Variants in ZC2HC1C observed in about 807,000 individuals in gnomAD.
ZC2HC1C encodes the protein zinc finger C2HC domain-containing protein 1C.
In ZC2HC1C, 25 loss-of-function variants were observed where a neutral mutation model predicts 39.2. The ratio of observed to expected loss-of-function variants is 0.64; its 90% CI spans 0.47 to 0.89. ZC2HC1C has a LOEUF of 0.89. Among genes scored for constraint, ZC2HC1C ranks in the 40% least tolerant of loss-of-function variants. ZC2HC1C has a pLI of 0.00. For synonymous variants in ZC2HC1C, 209 were observed against 214.4 expected, an observed-to-expected ratio of 0.97 and a Z score of 0.22; for missense variants, 519 against 548.6, an observed-to-expected ratio of 0.95 and a Z score of 0.54.
Position 75,071,134 on chromosome 14 carries a change from T to C in ZC2HC1C, c.561T>C (p.Ser187=). 1.9e-6 allele frequency: 3 copies of C among 1,614,202 alleles called. No individual in the cohort carries two copies. Among genetic ancestry groups the C allele is most frequent in the Non-Finnish European group, 8.5e-7 (1 of 1,180,034 alleles). The part of the protein sequence containing the change: ...NFGVRNQGNF[S]VVGTVLAATQ... The stretch of plus-strand genomic sequence containing the variant: ...GTGTGAGGAACCAGGGCAACTTTTC[T>C]GTGGTTGGTACTGTTCTTGCTGCCA... Residue 187 remains serine, a synonymous_variant, in exon 2 of 3, where the codon TCT becomes TCC. Coordinates refer to ENST00000524913, the MANE Select transcript of ZC2HC1C (RefSeq NM_024643.4).
chr14:75,076,142 T>C (rs1015659396), intron 2 of ZC2HC1C, among the ~76,000 whole-genome samples: 4 of 152,208 alleles, frequency 2.6e-5, no homozygotes, highest in African/African-American at 4.8e-5. Context: ...GCAACTCTTA[T>C]TGGTCACATG....
At chr14:75,072,463 A>G (rs1021730800) in intron 2 of ZC2HC1C, among the ~76,000 whole-genome samples, 4 of 152,214 alleles carry the variant, frequency 2.6e-5, no homozygotes, top group African/African-American at 9.6e-5. Flanking sequence ...ATGAAACACA[A>G]TTAAGTTTGG....
At chr14:75,074,865 C>G (rs1406575477) in intron 2 of ZC2HC1C, among the ~76,000 whole-genome samples, 1 of 152,224 alleles carries the variant, frequency 6.6e-6, no homozygotes, top group African/African-American at 2.4e-5. Context: ...AGCCACGGTG[C>G]CTGTTCTACC....
chr14:75,079,370 T>TAA lies in ZC2HC1C; in HGVS notation c.*1807_*1808dup, dbSNP rs1893802191. 1 of 152,190 alleles carries TAA rather than the reference T, an allele frequency of 6.6e-6. No homozygotes were observed. Among genetic ancestry groups the TAA allele is most frequent in the Non-Finnish European group, 1.5e-5 (1 of 68,038 alleles). The allele number at this position is 152,190 out of a possible 1,614,324, so 9.4% of individuals were successfully genotyped here. A position where few individuals can be genotyped will look rare whatever the true frequency, so the allele number is the denominator to read the frequency against. On this transcript the variant is annotated 3_prime_UTR_variant, in exon 3 of 3. Coordinates refer to ENST00000524913, the MANE Select transcript of ZC2HC1C (RefSeq NM_024643.4). Reference sequence around the variant, plus strand: ...AGCACACATTTCTTTGCACTCTTTTTAATTGTTCCAAAGGAAAGGAGGTAT... The same window carrying TAA: ...AGCACACATTTCTTTGCACTCTTTTTAAAATTGTTCCAAAGGAAAGGAGGTAT...
rs546280750 is a variant in ZC2HC1C, at chr14:75,078,252, T to C, written c.*688T>C. 6.6e-6 allele frequency: 1 copy of C among 152,364 alleles called. No homozygotes were observed. Among genetic ancestry groups the C allele is most frequent in the African/African-American group, 2.4e-5 (1 of 41,572 alleles). 9.4% of individuals were successfully genotyped at this position (152,364 alleles called of 1,614,324 possible). A position where few individuals can be genotyped will look rare whatever the true frequency, so the allele number is the denominator to read the frequency against. ...GCATGATCACCCAGATAGTAACTCT[T>C]ATAAAAGATAATACAATTTTGCTAT... On this transcript the variant is annotated 3_prime_UTR_variant, in exon 3 of 3. Transcript: ENST00000524913.
At position 75,071,671 on chromosome 14, in the gene ZC2HC1C, A is replaced by T; in HGVS notation, c.1098A>T (p.Arg366Ser). 6.2e-7 allele frequency: 1 copy of T among 1,614,202 alleles called. No individual in the cohort carries two copies. The highest frequency in any genetic ancestry group is 8.5e-7 in the Non-Finnish European group (1 of 1,180,024). The change falls in exon 2 of 3, where the codon AGA becomes AGT. Residue 366 changes from arginine to serine, a missense_variant. Arg to Ser is a moderately radical substitution (Grantham distance 110). Transcript: ENST00000524913. ...TCGGTGCTTTGCAGGGATCCGCCAG[A>T]AATTCCAGCCTGTCCATGGCACCAG... ...TPVGALQGSA[R>S]NSSLSMAPDS...
rs1393230181 is a variant in ZC2HC1C at position 75,071,272 on chromosome 14, C to G, written c.699C>G (p.Leu233=). 2.5e-6 allele frequency: 4 copies of G among 1,614,062 alleles called. No homozygotes were observed. In the South Asian group the frequency reaches 4.4e-5, roughly 18 times the overall value. The stretch of plus-strand genomic sequence containing the variant: ...AGGAAATCCGAAGAAAGCAGATTCT[C>G]CTGAGGGGAAAGCTGAAGAAGACAG... ...LEEEIRRKQI[L]LRGKLKKTEE... is the part of the protein sequence containing the mutation. The change falls in exon 2 of 3, where the codon CTC becomes CTG. Residue 233 remains leucine, a synonymous_variant. Transcript: ENST00000524913.
chr14:75,073,102 A>C (rs1433774567), intron 2 of ZC2HC1C, among the ~76,000 whole-genome samples: 1 of 151,838 alleles, frequency 6.6e-6, no homozygotes, highest in East Asian at 1.9e-4. Context: ...GCCTTTAAAA[A>C]CTCACATTTA....
intron 2 of ZC2HC1C, among the ~76,000 whole-genome samples, chr14:75,072,131 T>C (rs1362885521): frequency 6.6e-6 from 1 of 152,224 alleles, no homozygotes; most frequent in Non-Finnish European, 1.5e-5. Flanking sequence ...AATCAAGACT[T>C]GGACAGGCTA....
chr14:75,071,388 G>T lies in ZC2HC1C; in HGVS notation c.815G>T (p.Arg272Ile). Residue 272 changes from arginine to isoleucine, a missense_variant, in exon 2 of 3, where the codon AGA becomes ATA. Arg to Ile is a moderately conservative substitution (Grantham distance 97). Coordinates refer to ENST00000524913, the MANE Select transcript of ZC2HC1C (RefSeq NM_024643.4). ...ELQKIILPRSRVKGNKSNTMY... is the reference protein window; with the variant it reads ...ELQKIILPRSIVKGNKSNTMY... Reference sequence around the variant, plus strand: ...CAGAAAATTATACTCCCCAGGAGCAGAGTTAAAGGTAATAAAAGCAACACC... The same window carrying T: ...CAGAAAATTATACTCCCCAGGAGCATAGTTAAAGGTAATAAAAGCAACACC... 1 of 1,614,160 alleles carries T rather than the reference G, an allele frequency of 6.2e-7. No homozygotes were observed.
rs1284319738 is a variant in ZC2HC1C at position 75,071,508 on chromosome 14, A to ATT, written c.936_937dup (p.Ser313PhefsTer21). ...GAAACTTGGGGACGGTCTCAACAAA[A>ATT]TTCAGGTCCATTCCAGTTCTCTGAT... On this transcript the variant is annotated frameshift_variant, in exon 2 of 3. Transcript: ENST00000524913. LOFTEE classifies it high-confidence loss of function. 9.9e-6 allele frequency: 16 copies of ATT among 1,614,046 alleles called. No homozygotes were observed. The highest frequency in any genetic ancestry group is 6.7e-5 in the Admixed American group (4 of 59,990).
rs147090126 is a variant in ZC2HC1C, at chr14:75,070,547, T to C, written c.-19-8T>C. The C allele has an allele frequency of 4.6e-4, 713 of 1,566,804 alleles. 3 individuals are homozygous for C. The African/African-American group carries it at 8.1e-3, about 18-fold the overall frequency. On this transcript the variant is annotated splice_polypyrimidine_tract_variant and splice_region_variant and intron_variant, in intron 1 of 2. Coordinates refer to ENST00000524913, the MANE Select transcript of ZC2HC1C (RefSeq NM_024643.4). ...TCTTCCCGTGTATCTGGTTTAAATC[T>C]CCCGTAGGCGTCAGTCCAGGCCCTG...
At chr14:75,076,670 T>C (rs1454474211) in intron 2 of ZC2HC1C, among the ~76,000 whole-genome samples, 1 of 152,238 alleles carries the variant, frequency 6.6e-6, no homozygotes, top group Non-Finnish European at 1.5e-5. Context: ...CTTCTTGTTT[T>C]ATGGACACAA....
rs1893382263 is a variant in ZC2HC1C, at chr14:75,071,212, C to G, written c.639C>G (p.Ile213Met). ...ANFDRTEWVQ[I>M]RRLEAAGESL... ...TTGACAGGACGGAGTGGGTGCAGAT[C>G]CGAAGACTAGAAGCTGCAGGGGAGA... Residue 213 changes from isoleucine (I) to methionine (M), a missense_variant, in exon 2 of 3, where the codon ATC (isoleucine) becomes ATG (methionine). Ile to Met is a conservative substitution (Grantham distance 10, BLOSUM62 1). Coordinates refer to ENST00000524913, the MANE Select transcript of ZC2HC1C (RefSeq NM_024643.4). 6.2e-7 allele frequency: 1 copy of G among 1,614,006 alleles called. No homozygotes were observed. The highest frequency in any genetic ancestry group is 1.3e-5 in the African/African-American group (1 of 74,896).
At chr14:75,074,856 G>C (rs1166837943) in intron 2 of ZC2HC1C, among the ~76,000 whole-genome samples, 1 of 152,242 alleles carries the variant, frequency 6.6e-6, no homozygotes, top group African/African-American at 2.4e-5. Context: ...ACAGGCGTGA[G>C]CCACGGTGCC....
In ZC2HC1C at chr14:75,071,789, C is replaced by G. The variant is rs533769451; in HGVS notation, c.1216C>G (p.His406Asp). The part of the protein sequence containing the change: ...RKFLSFRLER[H>D]SNICSRMRGS... ...ATTCCTCTCGTTCAGGCTGGAGAGA[C>G]ACTCCAACATCTGCAGCAGGATGCG... Residue 406 changes from histidine (H) to aspartate (D), a missense_variant, in exon 2 of 3, where the codon CAC (histidine) becomes GAC (aspartate). Transcript: ENST00000524913. 4 of 1,614,168 alleles carry G rather than the reference C, an allele frequency of 2.5e-6. No individual in the cohort carries two copies. In the East Asian group the frequency reaches 6.7e-5, roughly 27 times the overall value.
In ZC2HC1C at chr14:75,077,533, C is replaced by T. The variant is rs746543227; in HGVS notation, c.1340C>T (p.Ala447Val). ...ATCAGTCTCCCTTTTACATTACAGG[C>T]TGAACCTCCTCAGAAGAGCAACTGG... is the stretch of plus-strand genomic sequence containing the variant. ...LNWKGPASAK[A>V]EPPQKSNWR The change falls in exon 3 of 3, where the codon GCT becomes GTT. Residue 447 changes from alanine to valine, a missense_variant and splice_region_variant. Physicochemically the swap from Ala to Val is moderately conservative, Grantham distance 64 (BLOSUM62 0). Transcript: ENST00000524913. The T allele has an allele frequency of 3.1e-6, 5 of 1,614,064 alleles. No homozygotes were observed. The Admixed American group carries it at 8.3e-5, about 27-fold the overall frequency.
Position 75,070,686 on chromosome 14 carries a change from G to T in ZC2HC1C, c.113G>T (p.Gly38Val). 1 of 1,614,174 alleles carries T rather than the reference G, an allele frequency of 6.2e-7. No homozygotes were observed. Among genetic ancestry groups the T allele is most frequent in the South Asian group, 1.1e-5 (1 of 91,080 alleles). The change falls in exon 2 of 3, where the codon GGT becomes GTT. Residue 38 changes from glycine to valine, a missense_variant. Coordinates refer to ENST00000524913, the MANE Select transcript of ZC2HC1C (RefSeq NM_024643.4). ...GCCAAGCAAGACTCTTACGAACAAGGTGACTCTTCCCAGCAGTCCTTGAAG... is the reference window on the plus strand; with the variant it reads ...GCCAAGCAAGACTCTTACGAACAAGTTGACTCTTCCCAGCAGTCCTTGAAG... ...HSAKQDSYEQ[G>V]DSSQQSLKGH...
rs1453049153 is a variant in ZC2HC1C, at chr14:75,078,930, G to GT, written c.*1367dup. On this transcript the variant is annotated 3_prime_UTR_variant, in exon 3 of 3. Transcript: ENST00000524913. ...GATTTAAAATTAAACAAGAAGATGAGTGAGTCCTACACTAGTGAAATCAGA... is the reference window on the plus strand; with the variant it reads ...GATTTAAAATTAAACAAGAAGATGAGTTGAGTCCTACACTAGTGAAATCAGA... 1 of 152,150 alleles carries GT rather than the reference G, an allele frequency of 6.6e-6. No individual in the cohort carries two copies. Among genetic ancestry groups the GT allele is most frequent in the Admixed American group, 6.5e-5 (1 of 15,270 alleles). 9.4% of individuals were successfully genotyped at this position (152,150 alleles called of 1,614,324 possible).
Sources: allele counts gnomAD v4.1 joint callset (sites outside exome capture counted in the v4.1 genomes callset), GRCh38; gene constraint gnomAD v4.1.1; transcripts MANE v1.5; gene names NCBI Gene and HGNC (gene_info 2026-07-23, HGNC 2026-07-21).